Variants in MEOX2 observed in about 807,000 individuals in gnomAD.
The protein encoded by MEOX2 is mesenchyme homeobox 2.
A neutral mutation model predicts 27.0 loss-of-function variants in MEOX2; 11 were observed. The ratio of observed to expected loss-of-function variants is 0.41; its 90% CI spans 0.26 to 0.68. The LOEUF is 0.68. Among genes scored for constraint, MEOX2 ranks in the 30% least tolerant of loss-of-function variants. MEOX2 has a pLI of 0.33. For missense variants in MEOX2, 436 were observed against 385.4 expected (o/e 1.13, Z -1.10); for synonymous variants, 189 against 155.4 (o/e 1.22, Z -1.61).
rs1243970892 is a variant in MEOX2 at position 15,686,410 on chromosome 7, A to G, written c.-8T>C. The G allele has an allele frequency of 6.4e-7, 1 of 1,559,910 alleles. No homozygotes were observed. The highest frequency in any genetic ancestry group is 2.4e-5 in the East Asian group (1 of 41,908). ...AAAGAGCGGGTGTTCCATAGCATGC[A>G]AGTTTCGGGTTCCAGGCAGAAGACT... On this transcript the variant is annotated 5_prime_UTR_variant, in exon 1 of 3. Transcript: ENST00000262041.
At position 15,668,719 on chromosome 7, in the gene MEOX2, G is replaced by T. The variant is rs372399387; in HGVS notation, c.517+17167C>A. Among the ~76,000 whole-genome samples the T allele has an allele frequency of 5.3e-5, 8 of 152,022 alleles. No individual in the cohort carries two copies. In the East Asian group the frequency reaches 1.4e-3, roughly 26 times the overall value. ...TCGAACTCCTGATCTCAGATGATCC[G>T]CTCGCCTCAGCCTCCCAAAGTGCTG... On this transcript the variant is annotated intron_variant, in intron 1 of 2. Transcript: ENST00000262041.
chr7:15,637,458 C>T (rs1186784446), intron 1 of MEOX2, among the ~76,000 whole-genome samples: 1 of 151,898 alleles, frequency 6.6e-6, no homozygotes, highest in Non-Finnish European at 1.5e-5. Context: ...TTACTGAACA[C>T]GTGTGCTACC....
At chr7:15,679,747 C>G (rs1782262712) in intron 1 of MEOX2, 2 of 151,770 alleles carry the variant, frequency 1.3e-5, no homozygotes, top group Admixed American at 1.3e-4. Flanking sequence ...AGTTAATGAT[C>G]CAGTTTATTA....
chr7:15,644,259 T>C (rs1350034823), intron 1 of MEOX2, among the ~76,000 whole-genome samples: 1 of 152,140 alleles, frequency 6.6e-6, no homozygotes, highest in Non-Finnish European at 1.5e-5. Context: ...CCTCTATATG[T>C]TCTCCATTTG....
intron 1 of MEOX2, among the ~76,000 whole-genome samples, chr7:15,661,736 G>A (rs189593582): frequency 2.6e-5 from 4 of 152,274 alleles, no homozygotes; most frequent in Admixed American, 6.5e-5. Context: ...ATATAGCCAC[G>A]AAAGAAAATC....
intron 1 of MEOX2, among the ~76,000 whole-genome samples, chr7:15,670,535 G>A (rs1308587131): frequency 6.6e-6 from 1 of 152,112 alleles, no homozygotes; most frequent in Non-Finnish European, 1.5e-5. Context: ...ATATGAAAAT[G>A]TTCTATATTT....
At chr7:15,633,253 T>C (rs1308145033) in intron 1 of MEOX2, among the ~76,000 whole-genome samples, 2 of 151,874 alleles carry the variant, frequency 1.3e-5, no homozygotes, top group Non-Finnish European at 2.9e-5. Context: ...GGCAAGATAG[T>C]GAAGAGAACT....
intron 2 of MEOX2, among the ~76,000 whole-genome samples, chr7:15,626,051 C>T (rs1781299301): frequency 6.6e-6 from 1 of 152,104 alleles, no homozygotes. Flanking sequence ...TTCATCATTT[C>T]CCAGCCATCT....
chr7:15,650,401 A>G (rs2115376579), intron 1 of MEOX2, among the ~76,000 whole-genome samples: 1 of 152,208 alleles, frequency 6.6e-6, no homozygotes, highest in South Asian at 2.1e-4. Context: ...ATCTTAGTGC[A>G]ATTCACACTT....
chr7:15,644,280 C>T (rs1001012111), intron 1 of MEOX2, among the ~76,000 whole-genome samples: 1 of 152,142 alleles, frequency 6.6e-6, no homozygotes, highest in African/African-American at 2.4e-5. Context: ...GCTCCCTCTG[C>T]CAATCCAAAG....
intron 1 of MEOX2, among the ~76,000 whole-genome samples, chr7:15,684,691 G>T (rs942830094): frequency 6.6e-6 from 1 of 151,924 alleles, no homozygotes; most frequent in African/African-American, 2.4e-5. Flanking sequence ...CCAACATATG[G>T]GATTACCTTC....
rs1445195868 is a variant in MEOX2, at chr7:15,686,299, T to C, written c.104A>G (p.His35Arg). The C allele has an allele frequency of 1.2e-5, 19 of 1,611,228 alleles. No individual in the cohort carries two copies. Among genetic ancestry groups the C allele is most frequent in the African/African-American group, 2.7e-5 (2 of 74,948 alleles). The change falls in exon 1 of 3, where the codon CAT becomes CGT. Residue 35 changes from histidine to arginine, a missense_variant. Transcript: ENST00000262041. ...AGTAGAGAGCTCGGGGTAAGACATA[T>C]GGTCAGATCTTCCATGGAGGGCGAG... ...SSLALHGRSDHMSYPELSTSS... is the reference protein window; with the variant it reads ...SSLALHGRSDRMSYPELSTSS...
intron 1 of MEOX2, among the ~76,000 whole-genome samples, chr7:15,674,291 T>G (rs980436275): frequency 6.6e-6 from 1 of 151,862 alleles, no homozygotes; most frequent in African/African-American, 2.4e-5. Context: ...TAGAGAAGAA[T>G]GACAAGAGAT....
chr7:15,640,220 T>C (rs1169662139), intron 1 of MEOX2, among the ~76,000 whole-genome samples: 1 of 151,678 alleles, frequency 6.6e-6, no homozygotes, highest in African/African-American at 2.4e-5. Flanking sequence ...TCTAGGTTTG[T>C]TGTTGTTGCT....
chr7:15,685,324 C>T (rs1159788342), intron 1 of MEOX2, among the ~76,000 whole-genome samples: 1 of 151,722 alleles, frequency 6.6e-6, no homozygotes, highest in African/African-American at 2.4e-5. Context: ...AAATAGGGTG[C>T]TATTTAAAGA....
rs1300062204 is a variant in MEOX2 at position 15,618,239 on chromosome 7, A to G, written c.691-5628T>C. Among the ~76,000 whole-genome samples, 3 of 152,080 alleles carry G rather than the reference A, an allele frequency of 2.0e-5. 1 individual carries two copies. The highest frequency in any genetic ancestry group is 4.1e-4 in the South Asian group (2 of 4,832). On this transcript the variant is annotated intron_variant, in intron 2 of 2. Transcript: ENST00000262041. ...TCTTAATCCCATTTTTACAGGAGATAAAAAATAGACACACCTTTTAGTTAT... is the reference window on the plus strand; with the variant it reads ...TCTTAATCCCATTTTTACAGGAGATGAAAAATAGACACACCTTTTAGTTAT...
At chr7:15,614,431 T>C (rs1258432223) in intron 2 of MEOX2, among the ~76,000 whole-genome samples, 1 of 151,772 alleles carries the variant, frequency 6.6e-6, no homozygotes, top group Non-Finnish European at 1.5e-5. Flanking sequence ...AAAAAAAAGT[T>C]TGCCTTTCAA....
intron 1 of MEOX2, among the ~76,000 whole-genome samples, chr7:15,632,454 A>T (rs756152161): frequency 4.6e-5 from 7 of 151,828 alleles, no homozygotes; most frequent in Non-Finnish European, 8.8e-5. Flanking sequence ...TCATAGTAAG[A>T]ATATGCCAAC....
chr7:15,624,258 A>G (rs1423549313), intron 2 of MEOX2, among the ~76,000 whole-genome samples: 1 of 152,236 alleles, frequency 6.6e-6, no homozygotes, highest in African/African-American at 2.4e-5. Context: ...ACATCTTTTC[A>G]CATTAACTTG....
Sources: gnomAD v4.1 joint callset for allele counts (sites outside exome capture counted in the v4.1 genomes callset) on GRCh38, gnomAD v4.1.1 for gene constraint, MANE v1.5 for transcripts, NCBI Gene and HGNC (gene_info 2026-07-23, HGNC 2026-07-21) for gene names.